Variants in XDH observed in about 807,000 individuals in gnomAD.
XDH encodes xanthine dehydrogenase.
A neutral mutation model predicts 156.1 loss-of-function variants in XDH; 138 were observed. The observed-to-expected ratio is 0.88, with a 90% CI of 0.77 to 1.02. The LOEUF (loss-of-function observed/expected upper bound fraction) is 1.02. Among genes scored for constraint, XDH ranks in the 50% least tolerant of loss-of-function variants. The pLI is 0.00. For missense variants in XDH, 1,849 were observed against 1,684.9 expected (o/e 1.10, Z -1.71); for synonymous variants, 669 against 625.7 (o/e 1.07, Z -1.03).
chr2:31,351,210 C>A (rs1439139672), intron 24 of XDH, among the ~76,000 whole-genome samples: 1 of 152,180 alleles, frequency 6.6e-6, no homozygotes, highest in Non-Finnish European at 1.5e-5. Flanking sequence ...ACATTACTTA[C>A]AGCTGAACCA....
rs146132613 is a variant in XDH at position 31,393,633 on chromosome 2, T to C, written c.495+4035A>G. On this transcript the variant is annotated intron_variant, in intron 6 of 35. Coordinates refer to ENST00000379416, the MANE Select transcript of XDH (RefSeq NM_000379.4). Reference sequence around the variant, plus strand: ...ACATTTAAGGTAATCATTGATATAGTTGGATTAGTATCTACCATATTTGTT... The same window carrying C: ...ACATTTAAGGTAATCATTGATATAGCTGGATTAGTATCTACCATATTTGTT... Among the ~76,000 whole-genome samples, 27 of 152,270 alleles carry C rather than the reference T, an allele frequency of 1.8e-4. No homozygotes were observed. The East Asian group carries it at 5.0e-3, about 28-fold the overall frequency.
intron 33 of XDH, among the ~76,000 whole-genome samples, chr2:31,340,135 G>C (rs1358509677): frequency 2.6e-5 from 4 of 152,204 alleles, no homozygotes; most frequent in Admixed American, 6.5e-5. Context: ...TCTCTCCTAG[G>C]GTAACTGCCA....
intron 16 of XDH, among the ~76,000 whole-genome samples, chr2:31,373,532 GGTTT>G (rs71405565): frequency 0.65 from 97,757 of 149,696 alleles, 32,343 homozygotes; most frequent in Non-Finnish European, 0.71. Context: ...GCAGATAGAT[GGTTT>G]GTTTGTTTGT....
chr2:31,361,679 A>G (rs917317431), intron 24 of XDH, among the ~76,000 whole-genome samples: 2 of 152,220 alleles, frequency 1.3e-5, no homozygotes, highest in African/African-American at 4.8e-5. Context: ...ACTATGACTT[A>G]CAGAAGGCAG....
chr2:31,396,530 A>T (rs776307425), intron 6 of XDH, among the ~76,000 whole-genome samples: 1 of 152,210 alleles, frequency 6.6e-6, no homozygotes, highest in Non-Finnish European at 1.5e-5. Context: ...AGAAGTACTT[A>T]ATTTTTATAA....
chr2:31,401,238 C>T lies in XDH; in HGVS notation c.288G>A (p.Thr96=), dbSNP rs267599351. 7 of 1,614,204 alleles carry T rather than the reference C, an allele frequency of 4.3e-6. No homozygotes were observed. The highest frequency in any genetic ancestry group is 5.9e-6 in the Non-Finnish European group (7 of 1,180,040). The change falls in exon 4 of 36, where the codon ACG becomes ACA. Residue 96 remains threonine, a synonymous_variant. Coordinates refer to ENST00000379416, the MANE Select transcript of XDH (RefSeq NM_000379.4). ...TTVEGIGSTK[T]RLHPVQERIA... The stretch of plus-strand genomic sequence containing the variant: ...TGTTTACCTGCACAGGATGCAGCCT[C>T]GTCTTGGTGCTTCCTATTCCTTCCA...
intron 15 of XDH, 93 bp downstream of exon 15, chr2:31,375,287 T>G: frequency 6.7e-7 from 1 of 1,496,056 alleles, no homozygotes; most frequent in Non-Finnish European, 9.3e-7. Context: ...CCCTCAGATG[T>G]CCAGAGGAGA....
In XDH at chr2:31,371,546, A is replaced by G. The variant is rs560037862; in HGVS notation, c.1856+682T>C. Among the ~76,000 whole-genome samples the G allele has an allele frequency of 2.0e-4, 31 of 152,302 alleles. No individual in the cohort carries two copies. The South Asian group carries it at 6.2e-3, about 31-fold the overall frequency. On this transcript the variant is annotated intron_variant, in intron 17 of 35. Transcript: ENST00000379416. ...CTCATCCTCTTCCATCCATTCACAC[A>G]TTGCTTGGATGGAGGTGGTTTGAGC...
intron 7 of XDH, 82 bp from the exon 8 acceptor site, chr2:31,387,979 A>G (rs922734983): frequency 6.9e-7 from 1 of 1,457,318 alleles, no homozygotes; most frequent in African/African-American, 1.4e-5. Flanking sequence ...CTTTCCTTCC[A>G]GCAAGCTCAT....
intron 12 of XDH, 50 bp downstream of exon 12, chr2:31,381,583 C>A (rs1284684291): frequency 3.8e-6 from 6 of 1,589,602 alleles, no homozygotes; most frequent in Non-Finnish European, 5.2e-6. Context: ...TCTGGTGAGA[C>A]TTTTCTCCCC....
In XDH at chr2:31,401,293, C is replaced by A. The variant is rs764137598; in HGVS notation, c.233G>T (p.Cys78Phe). 1.2e-6 allele frequency: 2 copies of A among 1,614,194 alleles called. No individual in the cohort carries two copies. The highest frequency in any genetic ancestry group is 1.7e-6 in the Non-Finnish European group (2 of 1,180,034). The stretch of plus-strand genomic sequence containing the variant: ...TGTCACTGCAACATGGTGCAAGGAG[C>A]AGATGGGGGCCAGGCAGGCATTGGC... ...FSANACLAPI[C>F]SLHHVAVTTV... The change falls in exon 4 of 36, where the codon TGC (cysteine) becomes TTC (phenylalanine). Residue 78 changes from cysteine to phenylalanine, a missense_variant. Coordinates refer to ENST00000379416, the MANE Select transcript of XDH (RefSeq NM_000379.4).
At position 31,379,922 on chromosome 2, in the gene XDH, G is replaced by T; in HGVS notation, c.1187C>A (p.Thr396Asn). Residue 396 changes from threonine (T) to asparagine (N), a missense_variant, in exon 13 of 36, where the codon ACC (threonine) becomes AAC (asparagine). By Grantham distance (65) the Thr-to-Asn change is moderately conservative (BLOSUM62 0). Coordinates refer to ENST00000379416, the MANE Select transcript of XDH (RefSeq NM_000379.4). ...DHTFFPGYRK[T>N]LLSPEEILLS... Reference sequence around the variant, plus strand: ...CAGTATCTCCTCCGGGCTCAGCAGGGTCTTTCTGTAGCCAGGGAAGAAGGT... The same window carrying T: ...CAGTATCTCCTCCGGGCTCAGCAGGTTCTTTCTGTAGCCAGGGAAGAAGGT... 1 of 1,614,184 alleles carries T rather than the reference G, an allele frequency of 6.2e-7. No homozygotes were observed.
chr2:31,338,112 C>T (rs182251961), intron 34 of XDH, among the ~76,000 whole-genome samples: 27 of 152,298 alleles, frequency 1.8e-4, no homozygotes, highest in South Asian at 4.1e-4. Flanking sequence ...AAGTTATACT[C>T]GGTAATTGTA....
chr2:31,378,199 G>C (rs567665950), intron 13 of XDH, among the ~76,000 whole-genome samples: 12 of 151,664 alleles, frequency 7.9e-5, no homozygotes, highest in African/African-American at 2.9e-4. Context: ...AGCAAAGCAA[G>C]AAAGCAAGCA....
chr2:31,370,539 T>C lies in XDH; in HGVS notation c.1857-61A>G, dbSNP rs1171627516. 6 of 1,605,168 alleles carry C rather than the reference T, an allele frequency of 3.7e-6. No individual in the cohort carries two copies. In the Admixed American group the frequency reaches 1.0e-4, roughly 27 times the overall value. On this transcript the variant is annotated intron_variant, in intron 17 of 35. Coordinates refer to ENST00000379416, the MANE Select transcript of XDH (RefSeq NM_000379.4). ...AAGCTGGAGCAGGGGACCCATCACC[T>C]GGTTGGACAACCCTGTTCTTATTTT... is the stretch of plus-strand genomic sequence containing the variant.
rs552615787 is a variant in XDH, at chr2:31,374,086, C to A, written c.1603-130G>T. ...TCTTCACTTCATACGCCTTTGAGTGCTGGCTGGATCTCTCAGCATCCAAAC... is the reference window on the plus strand; with the variant it reads ...TCTTCACTTCATACGCCTTTGAGTGATGGCTGGATCTCTCAGCATCCAAAC... On this transcript the variant is annotated intron_variant, in intron 15 of 35. Coordinates refer to ENST00000379416, the MANE Select transcript of XDH (RefSeq NM_000379.4). 61 of 941,554 alleles carry A rather than the reference C, an allele frequency of 6.5e-5. No homozygotes were observed. In the South Asian group the frequency reaches 8.6e-4, roughly 13 times the overall value. 58.3% of individuals were successfully genotyped at this position (941,554 alleles called of 1,614,324 possible).
intron 12 of XDH, among the ~76,000 whole-genome samples, chr2:31,380,631 G>A (rs1166606322): frequency 6.6e-6 from 1 of 152,218 alleles, no homozygotes; most frequent in Non-Finnish European, 1.5e-5. Flanking sequence ...GCACTGTGTG[G>A]CTCCACTGGG....
At chr2:31,401,744 C>T (rs2148006695) in intron 3 of XDH, among the ~76,000 whole-genome samples, 1 of 152,364 alleles carries the variant, frequency 6.6e-6, no homozygotes, top group South Asian at 2.1e-4. Flanking sequence ...TGCTTCCCTG[C>T]ATTTCCTCGC....
At position 31,341,342 on chromosome 2, in the gene XDH, A is replaced by G. The variant is rs994994807; in HGVS notation, c.3572T>C (p.Ile1191Thr). Residue 1191 changes from isoleucine (I) to threonine (T), a missense_variant, in exon 33 of 36, where the codon ATT becomes ACT. Ile to Thr is a moderately conservative substitution (Grantham distance 89, BLOSUM62 -1). Transcript: ENST00000379416. ...ACTGAGCCTCACCTGTCCAATATCAATGGCAGGGTTTAGACTGGAGCCAAC... is the reference window on the plus strand; with the variant it reads ...ACTGAGCCTCACCTGTCCAATATCAGTGGCAGGGTTTAGACTGGAGCCAAC... ...MDVGSSLNPA[I>T]DIGQVEGAFV... 3.2e-6 allele frequency: 5 copies of G among 1,575,128 alleles called. No homozygotes were observed. Among genetic ancestry groups the G allele is most frequent in the Non-Finnish European group, 3.5e-6 (4 of 1,157,474 alleles).
Sources: allele counts gnomAD v4.1 joint callset (sites outside exome capture counted in the v4.1 genomes callset), GRCh38; gene constraint gnomAD v4.1.1; transcripts MANE v1.5; gene names NCBI Gene and HGNC (gene_info 2026-07-23, HGNC 2026-07-21).